The following JAZF1 variants were observed in gnomAD, a reference collection of about 807,000 sequenced individuals.
JAZF1 encodes the protein juxtaposed with another zinc finger protein 1.
JAZF1 carries 8 observed loss-of-function variants against 26.4 expected under a neutral mutation model. That is an observed-to-expected ratio of 0.30 (90% confidence interval 0.18 to 0.55). JAZF1 has a LOEUF of 0.55. Among genes scored for constraint, JAZF1 ranks in the 20% least tolerant of loss-of-function variants. The pLI, the probability that JAZF1 is intolerant of heterozygous loss-of-function variation, is 0.94. For missense variants in JAZF1, 199 were observed against 322.0 expected, an observed-to-expected ratio of 0.62 and a Z score of 2.92; for synonymous variants, 126 against 122.3, an observed-to-expected ratio of 1.03 and a Z score of -0.20.
chr7:28,174,821 G>GTGTGTGTGTGT (rs1783524345), intron 1 of JAZF1, among the ~76,000 whole-genome samples: 10 of 107,798 alleles, frequency 9.3e-5, no homozygotes, highest in African/African-American at 2.2e-4. Context: ...GGGGTGTGTG[G>GTGTGTGTGTGT]GTGTGTGTGT....
intron 3 of JAZF1, among the ~76,000 whole-genome samples, chr7:27,871,910 AAGT>A (rs1182173203): frequency 6.6e-6 from 1 of 152,152 alleles, no homozygotes; most frequent in Non-Finnish European, 1.5e-5. Context: ...GGCTGGGAGA[AAGT>A]GGTGGTACTA....
chr7:28,059,692 C>A (rs1327819396), intron 1 of JAZF1, among the ~76,000 whole-genome samples: 1 of 152,128 alleles, frequency 6.6e-6, no homozygotes, highest in Non-Finnish European at 1.5e-5. Flanking sequence ...TTTCCCTGGT[C>A]TGAAAATTGC....
intron 2 of JAZF1, among the ~76,000 whole-genome samples, chr7:27,934,063 A>ATTTC (rs1784727530): frequency 6.6e-6 from 1 of 152,204 alleles, no homozygotes; most frequent in African/African-American, 2.4e-5. Flanking sequence ...GGAAATTGAA[A>ATTTC]GAGTATGAGC....
At chr7:28,039,078 T>C (rs746831599) in intron 1 of JAZF1, among the ~76,000 whole-genome samples, 1 of 152,186 alleles carries the variant, frequency 6.6e-6, no homozygotes. Flanking sequence ...AGGCAAAGCA[T>C]GCTAAATTTA....
chr7:28,161,571 G>A (rs561087333), intron 1 of JAZF1, among the ~76,000 whole-genome samples: 1 of 152,294 alleles, frequency 6.6e-6, no homozygotes, highest in African/African-American at 2.4e-5. Context: ...ATGAGTGTCA[G>A]GAGTGACTTT....
intron 1 of JAZF1, among the ~76,000 whole-genome samples, chr7:28,065,013 T>C (rs958080195): frequency 2.0e-5 from 3 of 152,204 alleles, no homozygotes; most frequent in African/African-American, 4.8e-5. Context: ...CATATCCAAA[T>C]CACATTTAGG....
intron 3 of JAZF1, among the ~76,000 whole-genome samples, chr7:27,849,178 G>A (rs559290433): frequency 6.6e-6 from 1 of 152,350 alleles, no homozygotes; most frequent in Non-Finnish European, 1.5e-5. Flanking sequence ...AGGCCCTGGA[G>A]ACGGGCTGCA....
chr7:28,011,873 C>T (rs1225438991), intron 1 of JAZF1, among the ~76,000 whole-genome samples: 1 of 152,104 alleles, frequency 6.6e-6, no homozygotes, highest in Non-Finnish European at 1.5e-5. Context: ...TCTCCCCATT[C>T]CATTAAAAGG....
chr7:28,008,852 C>G (rs1782747453), intron 1 of JAZF1, among the ~76,000 whole-genome samples: 2 of 152,180 alleles, frequency 1.3e-5, no homozygotes, highest in Admixed American at 6.5e-5. Flanking sequence ...TATTAAAAGC[C>G]ATTCTGATTC....
chr7:28,001,056 C>T (rs958992496), intron 1 of JAZF1, among the ~76,000 whole-genome samples: 14 of 152,022 alleles, frequency 9.2e-5, no homozygotes, highest in Non-Finnish European at 1.5e-5. Context: ...ACAGAATTCA[C>T]AGTTAACAAT....
At chr7:28,022,852 G>A (rs528347917) in intron 1 of JAZF1, among the ~76,000 whole-genome samples, 4 of 152,272 alleles carry the variant, frequency 2.6e-5, no homozygotes, top group African/African-American at 7.2e-5. Flanking sequence ...CGCTGCCCAG[G>A]TTCAAGTGAT....
At chr7:28,044,104 T>G (rs1583527176) in intron 1 of JAZF1, among the ~76,000 whole-genome samples, 1 of 152,188 alleles carries the variant, frequency 6.6e-6, no homozygotes, top group Non-Finnish European at 1.5e-5. Flanking sequence ...AACCATTAAA[T>G]GGTACCCTTT....
intron 1 of JAZF1, among the ~76,000 whole-genome samples, chr7:28,141,966 A>G (rs922090286): frequency 5.9e-5 from 9 of 152,190 alleles, no homozygotes; most frequent in Admixed American, 1.3e-4. Context: ...GAAAAATACC[A>G]GTTAGCTAAA....
At chr7:28,087,319 T>TA (rs79968014) in intron 1 of JAZF1, among the ~76,000 whole-genome samples, 3,049 of 142,138 alleles carry the variant, frequency 0.021, 100 homozygotes, top group African/African-American at 0.07. Context: ...CCTTTAGAAG[T>TA]AAAAAAAAAA....
intron 2 of JAZF1, chr7:27,914,887 T>C (rs1044587600): frequency 1.3e-5 from 6 of 468,808 alleles, no homozygotes; most frequent in African/African-American, 4.0e-5. Context: ...AGTGTGCTCA[T>C]AGGACCTAGT....
At chr7:28,107,010 C>T (rs1456397645) in intron 1 of JAZF1, among the ~76,000 whole-genome samples, 1 of 152,144 alleles carries the variant, frequency 6.6e-6, no homozygotes, top group Non-Finnish European at 1.5e-5. Flanking sequence ...AATTATACCT[C>T]GGTTCTTTAT....
At chr7:27,899,515 G>A (rs1314473608) in intron 2 of JAZF1, among the ~76,000 whole-genome samples, 7 of 152,094 alleles carry the variant, frequency 4.6e-5, no homozygotes, top group Admixed American at 4.6e-4. Flanking sequence ...GTGCACCGAA[G>A]CACCAACCTC....
intron 2 of JAZF1, among the ~76,000 whole-genome samples, chr7:27,927,113 C>T (rs1784613224): frequency 6.6e-6 from 1 of 152,166 alleles, no homozygotes; most frequent in South Asian, 2.1e-4. Flanking sequence ...AGTTGAGGAA[C>T]AGGGAGAAGG....
At chr7:27,931,561 T>C (rs1396845824) in intron 2 of JAZF1, among the ~76,000 whole-genome samples, 2 of 152,180 alleles carry the variant, frequency 1.3e-5, no homozygotes, top group East Asian at 3.9e-4. Context: ...ATGCCTGTAA[T>C]CCCAGCACTT....
Sources: allele counts gnomAD v4.1 joint callset (sites outside exome capture counted in the v4.1 genomes callset), GRCh38; gene constraint gnomAD v4.1.1; transcripts MANE v1.5; gene names NCBI Gene and HGNC (gene_info 2026-07-23, HGNC 2026-07-21).